The following KCNJ6 variants were observed in gnomAD, a reference collection of about 807,000 sequenced individuals.
The protein encoded by KCNJ6 is potassium inwardly rectifying channel subfamily J member 6.
In KCNJ6, 9 loss-of-function variants were observed where a neutral mutation model predicts 34.2. The ratio of observed to expected loss-of-function variants is 0.26; its 90% CI spans 0.16 to 0.46. The LOEUF (loss-of-function observed/expected upper bound fraction) is 0.46, where lower values mean the gene tolerates loss of function less well. Ranked by LOEUF, KCNJ6 falls within the 20% of genes least tolerant of loss-of-function variation. The pLI, the probability that KCNJ6 is intolerant of heterozygous loss-of-function variation, is 1.00. For missense variants in KCNJ6, 236 were observed against 531.3 expected, an observed-to-expected ratio of 0.44 and a Z score of 5.46; for synonymous variants, 196 against 207.1, an observed-to-expected ratio of 0.95 and a Z score of 0.46.
intron 2 of KCNJ6, among the ~76,000 whole-genome samples, chr21:37,740,084 C>T (rs1372237461): frequency 6.6e-6 from 1 of 152,136 alleles, no homozygotes; most frequent in African/African-American, 2.4e-5. Flanking sequence ...AACGTGTGCC[C>T]AAGGAAGTGC....
At chr21:37,906,551 G>A (rs1227366294) in intron 1 of KCNJ6, among the ~76,000 whole-genome samples, 2 of 152,192 alleles carry the variant, frequency 1.3e-5, no homozygotes, top group African/African-American at 4.8e-5. Context: ...ATCGGGGGGT[G>A]AGCTTGAGAA....
At chr21:37,890,671 G>A (rs942237372) in intron 1 of KCNJ6, among the ~76,000 whole-genome samples, 4 of 152,178 alleles carry the variant, frequency 2.6e-5, no homozygotes, top group African/African-American at 9.6e-5. Flanking sequence ...GAGTTGAAAA[G>A]AACCATGCAA....
intron 2 of KCNJ6, among the ~76,000 whole-genome samples, chr21:37,770,276 A>G (rs1176606494): frequency 1.3e-5 from 2 of 152,082 alleles, no homozygotes; most frequent in African/African-American, 2.4e-5. Flanking sequence ...GGCCATTTCT[A>G]TACTCAAGTC....
At chr21:37,661,612 T>A (rs2054488367) in intron 3 of KCNJ6, among the ~76,000 whole-genome samples, 1 of 124,920 alleles carries the variant, frequency 8.0e-6, no homozygotes, top group Non-Finnish European at 1.6e-5. Flanking sequence ...TTAAGAGACA[T>A]AGTTTTTTTT....
intron 2 of KCNJ6, among the ~76,000 whole-genome samples, chr21:37,805,994 C>T (rs2055291819): frequency 2.0e-5 from 3 of 152,210 alleles, no homozygotes; most frequent in African/African-American, 7.2e-5. Flanking sequence ...TAAGTGCCCA[C>T]TTTGTGATAG....
chr21:37,803,742 C>T (rs80084230), intron 2 of KCNJ6, among the ~76,000 whole-genome samples: 5,418 of 152,188 alleles, frequency 0.036, 323 homozygotes, highest in African/African-American at 0.12. Context: ...AATGAACACA[C>T]GACACCTACC....
At chr21:37,727,501 A>G (rs2054861064) in intron 2 of KCNJ6, among the ~76,000 whole-genome samples, 1 of 152,024 alleles carries the variant, frequency 6.6e-6, no homozygotes. Context: ...ATGTGTGCAC[A>G]TGTGTCATGG....
At chr21:37,878,348 T>C (rs544293971) in intron 1 of KCNJ6, among the ~76,000 whole-genome samples, 1 of 152,368 alleles carries the variant, frequency 6.6e-6, no homozygotes, top group Non-Finnish European at 1.5e-5. Flanking sequence ...ATTCAACCTC[T>C]TTCCCTAAAC....
At chr21:37,703,406 C>T (rs1476734215) in intron 3 of KCNJ6, among the ~76,000 whole-genome samples, 3 of 152,002 alleles carry the variant, frequency 2.0e-5, no homozygotes, top group Non-Finnish European at 4.4e-5. Context: ...TGCCAGTGTT[C>T]GGTCTGATTG....
At chr21:37,748,506 T>G (rs1455484557) in intron 2 of KCNJ6, among the ~76,000 whole-genome samples, 1 of 152,150 alleles carries the variant, frequency 6.6e-6, no homozygotes, top group Non-Finnish European at 1.5e-5. Context: ...AACAGTGTTT[T>G]CCATTGACTC....
chr21:37,871,846 T>C (rs1238327658), intron 1 of KCNJ6, among the ~76,000 whole-genome samples: 2 of 152,200 alleles, frequency 1.3e-5, no homozygotes, highest in Admixed American at 1.3e-4. Flanking sequence ...AACGAAAAGC[T>C]TTTTAAAAAC....
At chr21:37,807,015 T>C (rs2055296851) in intron 2 of KCNJ6, among the ~76,000 whole-genome samples, 1 of 152,238 alleles carries the variant, frequency 6.6e-6, no homozygotes, top group African/African-American at 2.4e-5. Flanking sequence ...TTTCTCAGCA[T>C]CATTTATTTT....
chr21:37,898,569 A>C (rs2055800733), intron 1 of KCNJ6, among the ~76,000 whole-genome samples: 1 of 151,612 alleles, frequency 6.6e-6, no homozygotes, highest in African/African-American at 2.4e-5. Context: ...CTGACAGAGC[A>C]AAGACTCCAT....
Position 37,625,246 on chromosome 21 carries a change from C to T in KCNJ6, c.1185G>A (p.Leu395=). Residue 395 remains leucine (L), a synonymous_variant, in exon 4 of 4, where the codon CTG becomes CTA. Coordinates refer to ENST00000609713, the MANE Select transcript of KCNJ6 (RefSeq NM_002240.5). ...GGTTCTTTTCTTCCTCTTCAGTCTC[C>T]AGTTCTGCATGTTGGTTGAGTTTGC... The part of the protein sequence containing the change: ...VSSKLNQHAE[L]ETEEEEKNLE... 6.2e-7 allele frequency: 1 copy of T among 1,614,188 alleles called. No homozygotes were observed. The highest frequency in any genetic ancestry group is 8.5e-7 in the Non-Finnish European group (1 of 1,180,028).
chr21:37,858,877 G>A (rs546804903), intron 1 of KCNJ6, among the ~76,000 whole-genome samples: 5 of 152,068 alleles, frequency 3.3e-5, no homozygotes, highest in Non-Finnish European at 7.4e-5. Flanking sequence ...ATTAAAACCA[G>A]GCAGGGAAGG....
At chr21:37,853,846 G>GTGTATATATA (rs71198897) in intron 1 of KCNJ6, among the ~76,000 whole-genome samples, 29 of 115,930 alleles carry the variant, frequency 2.5e-4, no homozygotes, top group Middle Eastern at 4.6e-3. Flanking sequence ...ATATATATAT[G>GTGTATATATA]TATATATATA....
In KCNJ6 at chr21:37,618,361, G is replaced by C. The variant is rs1181901163; in HGVS notation, c.*6798C>G. On this transcript the variant is annotated 3_prime_UTR_variant, in exon 4 of 4. Coordinates refer to ENST00000609713, the MANE Select transcript of KCNJ6 (RefSeq NM_002240.5). ...TTTGTAGCCAAAAGTCTGCTCCTAG[G>C]CTCCTGGAAGACCTTGCCCTTTTGC... 1 of 152,162 alleles carries C rather than the reference G, an allele frequency of 6.6e-6. No individual in the cohort carries two copies. The highest frequency in any genetic ancestry group is 6.5e-5 in the Admixed American group (1 of 15,282). The allele number at this position is 152,162 out of a possible 1,614,324, so 9.4% of individuals were successfully genotyped here.
At chr21:37,855,562 C>G (rs913012985) in intron 1 of KCNJ6, among the ~76,000 whole-genome samples, 2 of 151,418 alleles carry the variant, frequency 1.3e-5, no homozygotes, top group South Asian at 4.2e-4. Flanking sequence ...AAGAATTAAG[C>G]AGAGCAGAAA....
intron 2 of KCNJ6, among the ~76,000 whole-genome samples, chr21:37,746,882 A>G (rs527553486): frequency 2.2e-4 from 34 of 152,326 alleles, no homozygotes; most frequent in Middle Eastern, 3.4e-3. Flanking sequence ...GAGCTCTAGC[A>G]TTCCATCCAA....
Sources: allele counts gnomAD v4.1 joint callset (sites outside exome capture counted in the v4.1 genomes callset), GRCh38; gene constraint gnomAD v4.1.1; transcripts MANE v1.5; gene names NCBI Gene and HGNC (gene_info 2026-07-23, HGNC 2026-07-21).